Variants in RAD51 observed in about 807,000 individuals in gnomAD.
RAD51 encodes the protein DNA repair protein RAD51 homolog 1.
RAD51 carries 14 observed loss-of-function variants against 41.5 expected under a neutral mutation model. The observed-to-expected ratio is 0.34, with a 90% CI of 0.22 to 0.53. The LOEUF (loss-of-function observed/expected upper bound fraction) is 0.53, where lower values mean the gene tolerates loss of function less well. RAD51 is among the 20% of genes least tolerant of loss of function. The pLI, the probability that RAD51 is intolerant of heterozygous loss-of-function variation, is 0.95. For synonymous variants in RAD51, 136 were observed against 148.6 expected, an observed-to-expected ratio of 0.92 and a Z score of 0.62; for missense variants, 234 against 422.0, an observed-to-expected ratio of 0.55 and a Z score of 3.90.
At chr15:40,728,559 C>G (rs1445431771) in intron 6 of RAD51, 152 bp from the exon 7 acceptor site, 1 of 762,500 alleles carries the variant, frequency 1.3e-6, no homozygotes, top group African/African-American at 1.7e-5. Context: ...GCCTGAACTT[C>G]TTAATAGAAA....
chr15:40,716,375 T>A (rs943969012), intron 5 of RAD51, among the ~76,000 whole-genome samples: 3 of 140,658 alleles, frequency 2.1e-5, no homozygotes, highest in African/African-American at 5.5e-5. Context: ...CCACTTCCTC[T>A]TTTTTTTTTT....
chr15:40,715,031 G>A (rs895061384), intron 5 of RAD51, among the ~76,000 whole-genome samples: 5 of 152,052 alleles, frequency 3.3e-5, no homozygotes, highest in African/African-American at 7.2e-5. Flanking sequence ...AAACAGTTCT[G>A]AGAAGACAAT....
chr15:40,701,650 T>TA (rs1895002907), intron 3 of RAD51, among the ~76,000 whole-genome samples: 1 of 152,042 alleles, frequency 6.6e-6, no homozygotes, highest in African/African-American at 2.4e-5. Context: ...TCTAGCTTCA[T>TA]ATAGTTCTTT....
rs151054333 is a variant in RAD51, at chr15:40,709,984, T to C, written c.435+868T>C. Among the ~76,000 whole-genome samples the C allele has an allele frequency of 4.4e-3, 662 of 152,088 alleles. 5 individuals carry two copies. Among genetic ancestry groups the C allele is most frequent in the East Asian group, 0.026 (135 of 5,148 alleles). On this transcript the variant is annotated intron_variant, in intron 5 of 9. Transcript: ENST00000267868. ...TTGGCTGGGCGCGGTGACTCACGCC[T>C]GTAATCCCAGCACTTTGGGAGGCCG...
chr15:40,729,638 A>G lies in RAD51; in HGVS notation c.774+4A>G. 1 of 1,613,654 alleles carries G rather than the reference A, an allele frequency of 6.2e-7. No individual in the cohort carries two copies. Among genetic ancestry groups the G allele is most frequent in the South Asian group, 1.1e-5 (1 of 91,036 alleles). ...GCTTCTGCGACTCGCTGATGAGGTAAGTTGTGGGATAGGGACAGAGAATGC... is the reference window on the plus strand; with the variant it reads ...GCTTCTGCGACTCGCTGATGAGGTAGGTTGTGGGATAGGGACAGAGAATGC... On this transcript the variant is annotated splice_donor_region_variant and intron_variant, in intron 8 of 9. Coordinates refer to ENST00000267868, the MANE Select transcript of RAD51 (RefSeq NM_002875.5).
intron 9 of RAD51, among the ~76,000 whole-genome samples, chr15:40,730,515 T>TTTTTCTTTTTTTTTTTTTTTTTTC (rs1896817266): frequency 8.5e-6 from 1 of 117,654 alleles, no homozygotes; most frequent in East Asian, 3.1e-4. Flanking sequence ...GAAAAAATTT[T>TTTTTCTTTTTTTTTTTTTTTTTTC]TTTTCTTTTT....
At chr15:40,725,120 C>T (rs902099299) in intron 6 of RAD51, among the ~76,000 whole-genome samples, 2 of 151,660 alleles carry the variant, frequency 1.3e-5, no homozygotes, top group Admixed American at 6.6e-5. Context: ...AGGATGGTCT[C>T]GATCTCCTGA....
In RAD51 at chr15:40,704,175, G is replaced by C. The variant is rs574236789; in HGVS notation, c.226-2002G>C. 3.3e-5 allele frequency among the ~76,000 whole-genome samples: 5 copies of C among 151,936 alleles called. No homozygotes were observed. In the East Asian group the frequency reaches 9.7e-4, roughly 30 times the overall value. On this transcript the variant is annotated intron_variant, in intron 3 of 9. Transcript: ENST00000267868. ...TGCAACCTCTGCCTCTTGGGTTCAAGCGATTCTCCTGCCTCAGCCTCCTGA... is the reference window on the plus strand; with the variant it reads ...TGCAACCTCTGCCTCTTGGGTTCAACCGATTCTCCTGCCTCAGCCTCCTGA...
At chr15:40,712,245 C>A (rs1895740721) in intron 5 of RAD51, among the ~76,000 whole-genome samples, 1 of 152,074 alleles carries the variant, frequency 6.6e-6, no homozygotes, top group South Asian at 2.1e-4. Flanking sequence ...ATAAAAAATA[C>A]ACCTCAGCCC....
At chr15:40,712,872 C>CTTTTT (rs1895775274) in intron 5 of RAD51, among the ~76,000 whole-genome samples, 1 of 89,364 alleles carries the variant, frequency 1.1e-5, no homozygotes, top group Non-Finnish European at 2.2e-5. Flanking sequence ...TTTTTCTTTT[C>CTTTTT]TTTTCTTTTT....
At position 40,701,627 on chromosome 15, in the gene RAD51, G is replaced by T. The variant is rs45574037; in HGVS notation, c.225+426G>T. ...TTATAGGTGTGAGCTACTGTGCCTG[G>T]CCTATTTATTTTTCTAGCTTCATAT... On this transcript the variant is annotated intron_variant, in intron 3 of 9. Coordinates refer to ENST00000267868, the MANE Select transcript of RAD51 (RefSeq NM_002875.5). Among the ~76,000 whole-genome samples the T allele has an allele frequency of 5.3e-3, 801 of 151,472 alleles. 3 individuals carry two copies. Among genetic ancestry groups the T allele is most frequent in the African/African-American group, 0.018 (744 of 41,306 alleles).
At chr15:40,703,728 A>G (rs1475412935) in intron 3 of RAD51, among the ~76,000 whole-genome samples, 3 of 151,938 alleles carry the variant, frequency 2.0e-5, no homozygotes, top group African/African-American at 4.8e-5. Flanking sequence ...TTCTCGGGCA[A>G]TGCAGCTAAA....
chr15:40,724,889 A>ATTTT (rs34086110), intron 6 of RAD51, among the ~76,000 whole-genome samples: 3 of 55,408 alleles, frequency 5.4e-5, no homozygotes, highest in African/African-American at 8.4e-5. Context: ...ATTTTTTTTA[A>ATTTT]TTTTTTTTTT....
chr15:40,724,677 T>TTG, intron 6 of RAD51, among the ~76,000 whole-genome samples: 1 of 110,966 alleles, frequency 9.0e-6, no homozygotes, highest in African/African-American at 3.5e-5. Flanking sequence ...TTTATTTCTT[T>TTG]TTTTTTTTTT....
At chr15:40,695,491 G>A (rs1328883163) in intron 1 of RAD51, 66 bp downstream of exon 1, 1 of 152,320 alleles carries the variant, frequency 6.6e-6, no homozygotes, top group Admixed American at 6.5e-5. Context: ...CCTGCGTCCT[G>A]GCCGGTCCAG....
chr15:40,711,801 A>G (rs984942599), intron 5 of RAD51, among the ~76,000 whole-genome samples: 7 of 152,202 alleles, frequency 4.6e-5, no homozygotes, highest in African/African-American at 1.7e-4. Flanking sequence ...CAAACTGGGC[A>G]TGATAGCTCA....
At chr15:40,711,421 G>A (rs1895700864) in intron 5 of RAD51, among the ~76,000 whole-genome samples, 1 of 152,136 alleles carries the variant, frequency 6.6e-6, no homozygotes, top group African/African-American at 2.4e-5. Context: ...TAGTGCCTAA[G>A]GCAGTGTTTG....
At chr15:40,699,232 G>T (rs3101861) in intron 2 of RAD51, among the ~76,000 whole-genome samples, 1 of 151,918 alleles carries the variant, frequency 6.6e-6, no homozygotes, top group Non-Finnish European at 1.5e-5. Flanking sequence ...CAACCTCTGC[G>T]TCCCAGGTTC....
intron 6 of RAD51, among the ~76,000 whole-genome samples, chr15:40,726,830 G>A (rs990812764): frequency 3.3e-5 from 5 of 151,124 alleles, no homozygotes; most frequent in African/African-American, 4.9e-5. Flanking sequence ...GGAGAATGGC[G>A]TGAACCTGGG....
Sources: allele counts gnomAD v4.1 joint callset (sites outside exome capture counted in the v4.1 genomes callset), GRCh38; gene constraint gnomAD v4.1.1; transcripts MANE v1.5; gene names NCBI Gene and HGNC (gene_info 2026-07-23, HGNC 2026-07-21).